Variants in RNF17 observed in about 807,000 individuals in gnomAD.
The protein encoded by RNF17 is spermatogenesis associated 23.
Under a neutral mutation model 200.5 loss-of-function variants are expected in RNF17, and 31 were observed. That is an observed-to-expected ratio of 0.15 (90% CI 0.12 to 0.21). The LOEUF (loss-of-function observed/expected upper bound fraction) is 0.21, where lower values mean the gene tolerates loss of function less well. Among genes scored for constraint, RNF17 ranks in the 10% least tolerant of loss-of-function variants. The pLI is 1.00. For synonymous variants in RNF17, 606 were observed against 637.8 expected (o/e 0.95, Z 0.75); for missense variants, 1,628 against 1,905.1 (o/e 0.85, Z 2.71).
At chr13:24,844,057 T>G (rs534234189) in intron 20 of RNF17, 86 bp downstream of exon 20, 1 of 455,020 alleles carries the variant, frequency 2.2e-6, no homozygotes, top group East Asian at 3.9e-5. Context: ...AAGTCATAAA[T>G]GTAGATTTTA....
At chr13:24,764,408 G>A (rs949656226) in intron 1 of RNF17, 75 bp downstream of exon 1, 34 of 1,478,634 alleles carry the variant, frequency 2.3e-5, no homozygotes, top group Non-Finnish European at 3.0e-5. Flanking sequence ...GCTGGTGGGC[G>A]CGTGAGGCTT....
chr13:24,821,897 G>A (rs557213223), intron 15 of RNF17, among the ~76,000 whole-genome samples: 6 of 152,220 alleles, frequency 3.9e-5, no homozygotes, highest in South Asian at 2.1e-4. Flanking sequence ...CATCTCGCAC[G>A]AAGAAAGTTA....
intron 10 of RNF17, among the ~76,000 whole-genome samples, chr13:24,795,155 T>G (rs1884400758): frequency 6.6e-6 from 1 of 152,218 alleles, no homozygotes; most frequent in Admixed American, 6.5e-5. Flanking sequence ...TTGTTCAGTT[T>G]CTGTCATCTA....
downstream of RNF17, chr13:24,884,249 TA>T (rs1566276231): frequency 6.2e-7 from 1 of 1,614,130 alleles, no homozygotes; most frequent in Middle Eastern, 1.6e-4. Context: ...AGTAGATCTG[TA>T]AAGACACACA....
intron 18 of RNF17, among the ~76,000 whole-genome samples, chr13:24,841,380 G>A (rs867869759): frequency 1.3e-5 from 2 of 152,056 alleles, no homozygotes; most frequent in Non-Finnish European, 2.9e-5. Context: ...CATTCACCTT[G>A]GTCCTCCTGG....
chr13:24,883,415 G>GAAAAT (rs1953922906), downstream of RNF17: 5 of 1,427,388 alleles, frequency 3.5e-6, no homozygotes, highest in African/African-American at 1.4e-5. Context: ...AAAAATAATA[G>GAAAAT]AAAATAAACA....
chr13:24,835,000 A>G (rs1889815801), intron 18 of RNF17, among the ~76,000 whole-genome samples: 1 of 152,144 alleles, frequency 6.6e-6, no homozygotes, highest in Admixed American at 6.5e-5. Flanking sequence ...AGTGGGAATG[A>G]GACTGGCCCT....
intron 15 of RNF17, among the ~76,000 whole-genome samples, chr13:24,813,603 G>A (rs543436143): frequency 5.9e-5 from 9 of 152,074 alleles, no homozygotes; most frequent in East Asian, 1.9e-4. Context: ...ACCAACCCCC[G>A]TGTAGTCAAA....
Position 24,778,278 on chromosome 13 carries a change from T to C in RNF17, c.318-17T>C. On this transcript the variant is annotated splice_polypyrimidine_tract_variant and intron_variant, in intron 3 of 35. Coordinates refer to ENST00000255324, the MANE Select transcript of RNF17 (RefSeq NM_031277.3). ...TCCTGTCACAAAAAATAAAATAATA[T>C]ACTTGATACTTTTCAGGATAAAGAA... 1 of 1,487,054 alleles carries C rather than the reference T, an allele frequency of 6.7e-7. No individual in the cohort carries two copies. The highest frequency in any genetic ancestry group is 2.3e-5 in the East Asian group (1 of 44,230). 92.1% of individuals were successfully genotyped at this position (1,487,054 alleles called of 1,614,324 possible).
In RNF17 at chr13:24,793,088, TATA is replaced by T. The variant is rs774187936; in HGVS notation, c.987_989del (p.Asn330del). On this transcript the variant is annotated inframe_deletion, in exon 10 of 36. Coordinates refer to ENST00000255324, the MANE Select transcript of RNF17 (RefSeq NM_031277.3). ...AATTAGACAGAATGTTCAAAAGAAA[TATA>T]ATAACAAAAAGGAACTTTCTTGTTA... The T allele has an allele frequency of 9.1e-5, 146 of 1,595,750 alleles. No individual in the cohort carries two copies. The highest frequency in any genetic ancestry group is 3.3e-4 in the Middle Eastern group (2 of 5,976).
At chr13:24,814,891 A>G (rs1037499062) in intron 15 of RNF17, among the ~76,000 whole-genome samples, 3 of 152,262 alleles carry the variant, frequency 2.0e-5, no homozygotes, top group Non-Finnish European at 4.4e-5. Flanking sequence ...CAAGAAATAT[A>G]GTATGATATT....
chr13:24,796,732 A>G (rs985352576), intron 11 of RNF17, among the ~76,000 whole-genome samples: 19 of 152,190 alleles, frequency 1.2e-4, no homozygotes, highest in African/African-American at 4.6e-4. Flanking sequence ...ACAGAGGATA[A>G]TTGTAAATTC....
chr13:24,858,575 G>GAGATATATATATATATAT (rs764245329), intron 25 of RNF17, among the ~76,000 whole-genome samples: 2 of 143,190 alleles, frequency 1.4e-5, no homozygotes, highest in Non-Finnish European at 3.0e-5. Flanking sequence ...ATCAGTTATG[G>GAGATATATATATATATAT]ATATATATAT....
intron 25 of RNF17, among the ~76,000 whole-genome samples, chr13:24,855,904 C>CCT (rs1175270787): frequency 2.6e-5 from 4 of 151,970 alleles, no homozygotes; most frequent in Non-Finnish European, 4.4e-5. Flanking sequence ...TTTTGGAATG[C>CCT]CTATCCATGT....
intron 6 of RNF17, among the ~76,000 whole-genome samples, chr13:24,786,806 G>A (rs1593249344): frequency 6.6e-6 from 1 of 152,062 alleles, no homozygotes; most frequent in East Asian, 1.9e-4. Context: ...GATTCTCTGT[G>A]TCCTTCAGCA....
intron 19 of RNF17, among the ~76,000 whole-genome samples, chr13:24,842,828 T>TA (rs1465247979): frequency 6.6e-6 from 1 of 151,456 alleles, no homozygotes; most frequent in Non-Finnish European, 1.5e-5. Flanking sequence ...CTACTAAAAA[T>TA]AAAAAAATTA....
rs1940858645 is a variant in RNF17, at chr13:24,825,601, T to TAA, written c.2092-17_2092-16insAA. On this transcript the variant is annotated splice_polypyrimidine_tract_variant and intron_variant, in intron 15 of 35. Transcript: ENST00000255324. ...AAGTTTCTGTGAAATGACAGTGCTT[T>TAA]ATCCCTTTATTTACTAGATAGAGGG... The TAA allele has an allele frequency of 1.3e-6, 2 of 1,521,054 alleles. No homozygotes were observed. Among genetic ancestry groups the TAA allele is most frequent in the Admixed American group, 3.4e-5 (2 of 58,174 alleles). The allele number at this position is 1,521,054 out of a possible 1,614,324, so 94.2% of individuals were successfully genotyped here.
intron 18 of RNF17, among the ~76,000 whole-genome samples, chr13:24,834,250 T>TA (rs1031420184): frequency 6.6e-6 from 1 of 151,418 alleles, no homozygotes; most frequent in South Asian, 2.1e-4. Context: ...CTACTAAAAA[T>TA]AAAAAAATAT....
Position 24,874,203 on chromosome 13 carries a change from G to A in RNF17, c.4537G>A (p.Val1513Ile). ...IKEFNPLSIL[V>I]QFVDYGSTAK... is the part of the protein sequence containing the mutation. ...AGAATTTAATCCTTTATCTATCTTA[G>A]TACAATTTGTTGATTATGGATCAAC... The change falls in exon 33 of 36, where the codon GTA becomes ATA. Residue 1513 changes from valine to isoleucine, a missense_variant. Around this residue, in one of 5 missense-constraint regions of RNF17, gnomAD observed 609 missense variants for 681.9 expected, o/e 0.89. Transcript: ENST00000255324. 1 of 1,609,174 alleles carries A rather than the reference G, an allele frequency of 6.2e-7. No individual in the cohort carries two copies. The highest frequency in any genetic ancestry group is 8.5e-7 in the Non-Finnish European group (1 of 1,177,940).
Sources: allele counts gnomAD v4.1 joint callset (sites outside exome capture counted in the v4.1 genomes callset), GRCh38; gene constraint gnomAD v4.1.1; regional missense constraint gnomAD v4.1.1; transcripts MANE v1.5; gene names NCBI Gene and HGNC (gene_info 2026-07-23, HGNC 2026-07-21).